The following OCA2 variants were observed in gnomAD, a reference collection of about 807,000 sequenced individuals.
OCA2 encodes P protein.
OCA2 carries 77 observed loss-of-function variants against 100.2 expected under a neutral mutation model. That is an observed-to-expected ratio of 0.77 (90% CI 0.64 to 0.93). The LOEUF is 0.93. OCA2 is among the 40% of genes least tolerant of loss of function. The pLI is 0.00. For synonymous variants in OCA2, 432 were observed against 439.2 expected, an observed-to-expected ratio of 0.98 and a Z score of 0.21; for missense variants, 1,062 against 1,089.1, an observed-to-expected ratio of 0.98 and a Z score of 0.35.
chr15:27,743,561 C>T, the OCA2 span, among the ~76,000 whole-genome samples: 1 of 152,292 alleles, frequency 6.6e-6, no homozygotes, highest in African/African-American at 2.4e-5. Flanking sequence ...AACAGCACAC[C>T]TCTGTCCATA....
At chr15:27,804,348 T>C (rs1237866427) in intron 23 of OCA2, among the ~76,000 whole-genome samples, 1 of 152,196 alleles carries the variant, frequency 6.6e-6, no homozygotes, top group Non-Finnish European at 1.5e-5. Flanking sequence ...TAAGCAACAT[T>C]TACACACAAG....
intron 23 of OCA2, among the ~76,000 whole-genome samples, chr15:27,809,386 C>T (rs77894423): frequency 1.4e-4 from 22 of 152,238 alleles, no homozygotes; most frequent in African/African-American, 5.1e-4. Context: ...TTAATAAAAG[C>T]GATATATGAC....
chr15:28,075,928 C>A (rs976032796), intron 2 of OCA2, among the ~76,000 whole-genome samples: 9 of 152,170 alleles, frequency 5.9e-5, no homozygotes, highest in Non-Finnish European at 1.2e-4. Flanking sequence ...TAGAAATATT[C>A]CAGATCTTGA....
At chr15:27,827,225 C>A (rs548785997) in intron 23 of OCA2, among the ~76,000 whole-genome samples, 21 of 152,166 alleles carry the variant, frequency 1.4e-4, no homozygotes, top group African/African-American at 5.1e-4. Context: ...TGGAAAGCAT[C>A]GAGTCATGCA....
At chr15:27,724,873 A>T in the OCA2 span, among the ~76,000 whole-genome samples, 2 of 151,894 alleles carry the variant, frequency 1.3e-5, no homozygotes, top group Non-Finnish European at 2.9e-5. Flanking sequence ...AAAGTCAATC[A>T]GGAACTCAGT....
chr15:28,027,013 C>T (rs1219559229), intron 4 of OCA2, among the ~76,000 whole-genome samples: 2 of 152,190 alleles, frequency 1.3e-5, no homozygotes, highest in African/African-American at 4.8e-5. Context: ...GACTTCAGGT[C>T]GGATCCAGAA....
intron 17 of OCA2, among the ~76,000 whole-genome samples, chr15:27,952,146 C>T (rs879120096): frequency 2.0e-5 from 3 of 152,162 alleles, no homozygotes; most frequent in Non-Finnish European, 4.4e-5. Context: ...AACACCTGGC[C>T]GGCAGGTATC....
intron 11 of OCA2, 43 bp downstream of exon 11, chr15:27,989,558 C>T (rs775975959): frequency 3.8e-6 from 6 of 1,560,860 alleles, no homozygotes; most frequent in Non-Finnish European, 5.3e-6. Flanking sequence ...GGCCCGGTTA[C>T]CGCAGGCGTG....
chr15:28,068,223 C>T (rs956360032), intron 2 of OCA2, among the ~76,000 whole-genome samples: 1 of 152,088 alleles, frequency 6.6e-6, no homozygotes, highest in African/African-American at 2.4e-5. Flanking sequence ...GGTGTCATTA[C>T]ATGTGAGAAA....
chr15:27,979,380 G>A (rs925262009), intron 14 of OCA2, among the ~76,000 whole-genome samples: 10 of 152,162 alleles, frequency 6.6e-5, no homozygotes, highest in Non-Finnish European at 1.5e-4. Flanking sequence ...TGTTTGATCT[G>A]ACAATCCCTG....
At chr15:27,876,419 T>C (rs1205954117) in intron 19 of OCA2, among the ~76,000 whole-genome samples, 1 of 152,160 alleles carries the variant, frequency 6.6e-6, no homozygotes, top group East Asian at 1.9e-4. Flanking sequence ...TTTCACATAA[T>C]ACGTTTGTCT....
intron 2 of OCA2, among the ~76,000 whole-genome samples, chr15:28,039,662 AG>A (rs2043145449): frequency 1.3e-5 from 2 of 152,194 alleles, no homozygotes; most frequent in African/African-American, 4.8e-5. Context: ...TTTGGAGATG[AG>A]GTCTTTCAGG....
chr15:27,831,670 C>A (rs962354258), intron 23 of OCA2, among the ~76,000 whole-genome samples: 6 of 152,160 alleles, frequency 3.9e-5, no homozygotes, highest in African/African-American at 1.4e-4. Flanking sequence ...GGTCTGTCTC[C>A]GGAGCTGCCT....
At chr15:28,027,388 T>C (rs1363340090) in intron 4 of OCA2, among the ~76,000 whole-genome samples, 1 of 152,186 alleles carries the variant, frequency 6.6e-6, no homozygotes, top group Non-Finnish European at 1.5e-5. Flanking sequence ...GCTTACACAT[T>C]AATGGTTTTC....
chr15:28,095,997 G>A (rs1478125046), intron 1 of OCA2, among the ~76,000 whole-genome samples: 1 of 152,210 alleles, frequency 6.6e-6, no homozygotes, highest in African/African-American at 2.4e-5. Context: ...ACCGCCCCTG[G>A]CTATGCTTGC....
At chr15:27,956,932 T>C (rs1220601657) in intron 16 of OCA2, among the ~76,000 whole-genome samples, 1 of 152,178 alleles carries the variant, frequency 6.6e-6, no homozygotes, top group Non-Finnish European at 1.5e-5. Flanking sequence ...ACATTTCCCC[T>C]TGCCTAGATG....
chr15:28,050,677 T>C (rs1231853018), intron 2 of OCA2, among the ~76,000 whole-genome samples: 2 of 152,128 alleles, frequency 1.3e-5, no homozygotes, highest in African/African-American at 4.8e-5. Flanking sequence ...CACCTATTGC[T>C]TCATACACCT....
rs1001632757 is a variant in OCA2 at position 27,771,125 on chromosome 15, C to A, written c.2433-15653G>T. ...TTTTTTGCTTCCTTCTTCCTTCTTT[C>A]CTTCCCTCCCTTCCTTCCCTCCCCT... On this transcript the variant is annotated intron_variant, in intron 23 of 23. Transcript: ENST00000354638. Among the ~76,000 whole-genome samples the A allele has an allele frequency of 7.0e-5, 9 of 127,676 alleles. No individual in the cohort carries two copies. In the Admixed American group the frequency reaches 7.1e-4, roughly 10 times the overall value. 83.8% of individuals were successfully genotyped at this position (127,676 alleles called of 152,430 possible).
chr15:27,855,494 C>T (rs1240447252), intron 21 of OCA2, among the ~76,000 whole-genome samples: 1 of 152,222 alleles, frequency 6.6e-6, no homozygotes, highest in Non-Finnish European at 1.5e-5. Context: ...CCCGCTCAGC[C>T]CATAAGAGGC....
Sources: gnomAD v4.1 joint callset for allele counts (sites outside exome capture counted in the v4.1 genomes callset) on GRCh38, gnomAD v4.1.1 for gene constraint, MANE v1.5 for transcripts, NCBI Gene and HGNC (gene_info 2026-07-23, HGNC 2026-07-21) for gene names.